Variants in EZH1 observed in about 807,000 individuals in gnomAD.
EZH1 encodes the protein enhancer of zeste 1 polycomb repressive complex 2 subunit.
A neutral mutation model predicts 100.5 loss-of-function variants in EZH1; 33 were observed. That is an observed-to-expected ratio of 0.33 (90% CI 0.25 to 0.44). The LOEUF is 0.44. Ranked by LOEUF, EZH1 falls within the 20% of genes least tolerant of loss-of-function variation. EZH1 has a pLI of 1.00. For synonymous variants in EZH1, 272 were observed against 313.8 expected (o/e 0.87, Z 1.41); for missense variants, 475 against 928.4 (o/e 0.51, Z 6.35).
At chr17:42,709,242 T>C (rs1597827578) in intron 13 of EZH1, 1 of 287,434 alleles carries the variant, frequency 3.5e-6, no homozygotes, top group Non-Finnish European at 6.6e-6. Flanking sequence ...CCCTTTGTCT[T>C]TGTGGAGGTG....
rs557226253 is a variant in EZH1, at chr17:42,733,664, G to C, written c.-102-2746C>G. On this transcript the variant is annotated intron_variant, in intron 1 of 20. Coordinates refer to ENST00000428826, the MANE Select transcript of EZH1 (RefSeq NM_001991.5). ...TCAAAAAAAAAAAAAAAAAAAGGCC[G>C]GGCAGGGTGGCTGACGTCTGTAATC... is the stretch of plus-strand genomic sequence containing the variant. Among the ~76,000 whole-genome samples, 3 of 144,550 alleles carry C rather than the reference G, an allele frequency of 2.1e-5. No homozygotes were observed. In the South Asian group the frequency reaches 6.5e-4, roughly 31 times the overall value. The allele number at this position is 144,550 out of a possible 152,430, so 94.8% of individuals were successfully genotyped here.
At chr17:42,707,227 T>C (rs373337704) in intron 15 of EZH1, among the ~76,000 whole-genome samples, 116 of 151,130 alleles carry the variant, frequency 7.7e-4, no homozygotes, top group African/African-American at 2.7e-3. Flanking sequence ...AAAGGGAAAC[T>C]GGGGCTGTAA....
intron 2 of EZH1, 114 bp from the exon 3 acceptor site, chr17:42,729,066 T>G: frequency 8.8e-7 from 1 of 1,135,564 alleles, no homozygotes; most frequent in South Asian, 1.6e-5. Flanking sequence ...AATTTACTCA[T>G]AAAAACACAC....
intron 13 of EZH1, 50 bp downstream of exon 13, chr17:42,709,796 C>G (rs1053219097): frequency 1.2e-5 from 19 of 1,578,966 alleles, no homozygotes; most frequent in Non-Finnish European, 1.5e-5. Context: ...GGTCAGAGCA[C>G]AGGGAACAGC....
chr17:42,742,834 C>G (rs1480433890), intron 1 of EZH1, among the ~76,000 whole-genome samples: 1 of 151,978 alleles, frequency 6.6e-6, no homozygotes, highest in Non-Finnish European at 1.5e-5. Flanking sequence ...GTCCTTTCTC[C>G]TATTATGTAT....
chr17:42,737,061 C>G (rs1406909489), intron 1 of EZH1, among the ~76,000 whole-genome samples: 1 of 149,638 alleles, frequency 6.7e-6, no homozygotes, highest in Admixed American at 6.7e-5. Context: ...TCTCGGCTCA[C>G]TGCAACCTCC....
intron 1 of EZH1, among the ~76,000 whole-genome samples, chr17:42,740,642 G>C (rs1325173701): frequency 1.3e-5 from 2 of 152,152 alleles, no homozygotes; most frequent in Non-Finnish European, 2.9e-5. Flanking sequence ...GAGCCACCGT[G>C]CCCAGTGAGA....
chr17:42,729,953 G>A (rs953591849), intron 2 of EZH1, among the ~76,000 whole-genome samples: 3 of 147,702 alleles, frequency 2.0e-5, no homozygotes, highest in African/African-American at 7.5e-5. Flanking sequence ...CAGGAGAATG[G>A]CTTGAAACCG....
chr17:42,742,428 G>A (rs1337048869), intron 1 of EZH1, among the ~76,000 whole-genome samples: 2 of 152,134 alleles, frequency 1.3e-5, no homozygotes, highest in African/African-American at 4.8e-5. Context: ...ATAGGTGTAA[G>A]CCATCAGCCC....
chr17:42,733,939 CAAA>C (rs71157668), intron 1 of EZH1, among the ~76,000 whole-genome samples: 2 of 50,082 alleles, frequency 4.0e-5, no homozygotes, highest in African/African-American at 5.8e-5. Flanking sequence ...GACTCCATCT[CAAA>C]AAAAAAAAAA....
At chr17:42,723,392 A>G (rs951916501) in intron 5 of EZH1, among the ~76,000 whole-genome samples, 10 of 151,436 alleles carry the variant, frequency 6.6e-5, no homozygotes, top group African/African-American at 2.2e-4. Context: ...AAAAAGTTTC[A>G]TAAGTAGAGA....
intron 10 of EZH1, 87 bp from the exon 11 acceptor site, chr17:42,713,476 T>C: frequency 8.0e-7 from 1 of 1,249,432 alleles, no homozygotes; most frequent in Non-Finnish European, 1.1e-6. Context: ...CTTTACAACA[T>C]CTGTCTACAA....
intron 1 of EZH1, among the ~76,000 whole-genome samples, chr17:42,732,907 G>A (rs188548882): frequency 4.5e-4 from 68 of 151,940 alleles, no homozygotes; most frequent in African/African-American, 1.6e-3. Flanking sequence ...TACTGAGATT[G>A]CACCACTGCG....
intron 1 of EZH1, among the ~76,000 whole-genome samples, chr17:42,733,410 G>A (rs1262370382): frequency 2.0e-5 from 3 of 151,626 alleles, no homozygotes; most frequent in Non-Finnish European, 2.9e-5. Context: ...GGGTGGCCGA[G>A]GTGGGCGGAT....
At chr17:42,727,901 C>G in intron 3 of EZH1, 138 bp from the exon 4 acceptor site, 1 of 527,358 alleles carries the variant, frequency 1.9e-6, no homozygotes, top group Non-Finnish European at 2.7e-6. Context: ...ACCACAACCT[C>G]CGCCTCCCGG....
intron 1 of EZH1, among the ~76,000 whole-genome samples, chr17:42,737,113 G>A (rs989840274): frequency 6.6e-6 from 1 of 151,766 alleles, no homozygotes; most frequent in African/African-American, 2.4e-5. Context: ...AGCCTCTTAA[G>A]TAGCTGGGAT....
At chr17:42,707,568 T>A (rs529446037) in intron 15 of EZH1, among the ~76,000 whole-genome samples, 279 of 152,204 alleles carry the variant, frequency 1.8e-3, no homozygotes, top group African/African-American at 6.3e-3. Flanking sequence ...CTAATTTTTT[T>A]ATTTTTAGTA....
intron 8 of EZH1, 42 bp downstream of exon 8, chr17:42,719,063 C>T (rs750182629): frequency 1.0e-5 from 15 of 1,478,130 alleles, no homozygotes; most frequent in Middle Eastern, 1.7e-4. Flanking sequence ...AGGTTTTGTC[C>T]GAGCACTCTG....
intron 6 of EZH1, among the ~76,000 whole-genome samples, chr17:42,722,410 A>C (rs148354773): frequency 6.6e-6 from 1 of 152,038 alleles, no homozygotes; most frequent in African/African-American, 2.4e-5. Flanking sequence ...GGATCACCTG[A>C]GGTCAGGAAT....
Sources: gnomAD v4.1 joint callset for allele counts (sites outside exome capture counted in the v4.1 genomes callset) on GRCh38, gnomAD v4.1.1 for gene constraint, MANE v1.5 for transcripts, NCBI Gene and HGNC (gene_info 2026-07-23, HGNC 2026-07-21) for gene names.